NUDT4: variants seen among roughly 807,000 people sequenced by gnomAD.
NUDT4 encodes diphosphoinositol polyphosphate phosphohydrolase 2.
A neutral mutation model predicts 23.1 loss-of-function variants in NUDT4; 5 were observed. That is an observed-to-expected ratio of 0.22 (90% CI 0.11 to 0.46). NUDT4 has a LOEUF of 0.46. NUDT4 is among the 20% of genes least tolerant of loss of function. The pLI, the probability that NUDT4 is intolerant of heterozygous loss-of-function variation, is 0.99. For missense variants in NUDT4, 96 were observed against 211.6 expected (o/e 0.45, Z 3.39); for synonymous variants, 50 against 79.0 (o/e 0.63, Z 1.95).
intron 1 of NUDT4, chr12:93,378,665 G>A (rs1198713323): frequency 8.4e-6 from 10 of 1,184,366 alleles, no homozygotes; most frequent in South Asian, 3.8e-5. Context: ...TCGAGAAGGC[G>A]CCTGGTCCCC....
Position 93,404,148 on chromosome 12 carries a change from T to C in NUDT4, c.*4769T>C, listed in dbSNP as rs980953950. 1 of 152,192 alleles carries C rather than the reference T, an allele frequency of 6.6e-6. No homozygotes were observed. Among genetic ancestry groups the C allele is most frequent in the African/African-American group, 2.4e-5 (1 of 41,420 alleles). 9.4% of individuals were successfully genotyped at this position (152,192 alleles called of 1,614,324 possible). A position where few individuals can be genotyped will look rare whatever the true frequency, so the allele number is the denominator to read the frequency against. ...TTCATGTTAGTGAAGTACTTTCATT[T>C]GGCCATCATTATTTATCAACCTTAA... On this transcript the variant is annotated 3_prime_UTR_variant, in exon 5 of 5. Transcript: ENST00000415493.
intron 1 of NUDT4, among the ~76,000 whole-genome samples, chr12:93,390,140 T>G (rs1352595995): frequency 6.6e-6 from 1 of 152,196 alleles, no homozygotes; most frequent in African/African-American, 2.4e-5. Flanking sequence ...GATGTACTTT[T>G]CAGGCGGCTA....
chr12:93,390,930 A>G (rs1020728307), intron 1 of NUDT4, among the ~76,000 whole-genome samples: 16 of 152,142 alleles, frequency 1.1e-4, no homozygotes, highest in African/African-American at 3.4e-4. Context: ...TCTATGCCTA[A>G]ATAGATACTC....
At chr12:93,386,337 G>A (rs1227048164) in intron 1 of NUDT4, among the ~76,000 whole-genome samples, 2 of 152,066 alleles carry the variant, frequency 1.3e-5, no homozygotes, top group African/African-American at 2.4e-5. Flanking sequence ...AGCACTTTGG[G>A]AGGCCGAGGT....
intron 1 of NUDT4, among the ~76,000 whole-genome samples, chr12:93,384,649 C>T (rs1230385734): frequency 6.6e-6 from 1 of 152,186 alleles, no homozygotes; most frequent in African/African-American, 2.4e-5. Flanking sequence ...CCATCTTGGA[C>T]TGCATGCAGT....
chr12:93,378,905 G>T (rs1875420893), intron 1 of NUDT4: 1 of 526,226 alleles, frequency 1.9e-6, no homozygotes, highest in African/African-American at 2.1e-5. Flanking sequence ...GACAGTCCTC[G>T]TGCTTGGAAT....
rs918390910 is a variant in NUDT4, at chr12:93,403,321, T to G, written c.*3942T>G. ...ATTTATCTTGGTGTAGTTTTGGCTT[T>G]TTTGTTTGTTTTTTTGAGACAGCAT... is the stretch of plus-strand genomic sequence containing the variant. On this transcript the variant is annotated 3_prime_UTR_variant, in exon 5 of 5. Coordinates refer to ENST00000415493, the MANE Select transcript of NUDT4 (RefSeq NM_019094.6). The G allele has an allele frequency of 2.0e-5, 3 of 152,108 alleles. No homozygotes were observed. Among genetic ancestry groups the G allele is most frequent in the African/African-American group, 7.2e-5 (3 of 41,388 alleles). 9.4% of individuals were successfully genotyped at this position (152,108 alleles called of 1,614,324 possible). A position where few individuals can be genotyped will look rare whatever the true frequency, so the allele number is the denominator to read the frequency against.
rs56797624 is a variant in NUDT4, at chr12:93,404,021, T to A, written c.*4642T>A. The A allele has an allele frequency of 6.6e-6, 1 of 152,336 alleles. No individual in the cohort carries two copies. The highest frequency in any genetic ancestry group is 2.1e-4 in the South Asian group (1 of 4,822). 9.4% of individuals were successfully genotyped at this position (152,336 alleles called of 1,614,324 possible). A position where few individuals can be genotyped will look rare whatever the true frequency, so the allele number is the denominator to read the frequency against. Reference sequence around the variant, plus strand: ...TTACTCTTAATGCATTTTTGTAACATTTGACAAACATCTCCCAATATGTAG... The same window carrying A: ...TTACTCTTAATGCATTTTTGTAACAATTGACAAACATCTCCCAATATGTAG... On this transcript the variant is annotated 3_prime_UTR_variant, in exon 5 of 5. Coordinates refer to ENST00000415493, the MANE Select transcript of NUDT4 (RefSeq NM_019094.6).
chr12:93,404,265 G>A lies in NUDT4; in HGVS notation c.*4886G>A, dbSNP rs888769149. 2.6e-5 allele frequency: 4 copies of A among 152,214 alleles called. No homozygotes were observed. Among genetic ancestry groups the A allele is most frequent in the African/African-American group, 9.7e-5 (4 of 41,444 alleles). 9.4% of individuals were successfully genotyped at this position (152,214 alleles called of 1,614,324 possible). On this transcript the variant is annotated 3_prime_UTR_variant, in exon 5 of 5. Coordinates refer to ENST00000415493, the MANE Select transcript of NUDT4 (RefSeq NM_019094.6). Reference sequence around the variant, plus strand: ...ACATATACCAAGACAAGGCACTAGAGTGAAAAGCCATTAAAATAAAATGCT... The same window carrying A: ...ACATATACCAAGACAAGGCACTAGAATGAAAAGCCATTAAAATAAAATGCT...
rs779156846 is a variant in NUDT4 at position 93,398,721 on chromosome 12, C to T, written c.256-50C>T. On this transcript the variant is annotated intron_variant, in intron 3 of 4. Transcript: ENST00000415493. ...ATTTTTTTCCCTTGGAAAATGTGTC[C>T]ATGGCTAGCTCCTGTAGATTAAAAT... The T allele has an allele frequency of 6.2e-6, 8 of 1,294,378 alleles. No homozygotes were observed. In the South Asian group the frequency reaches 9.9e-5, roughly 16 times the overall value. The allele number at this position is 1,294,378 out of a possible 1,614,324, so 80.2% of individuals were successfully genotyped here.
In NUDT4 at chr12:93,392,254, C is replaced by T. The variant is rs868845547; in HGVS notation, c.100-2355C>T. Among the ~76,000 whole-genome samples, 172 of 104,606 alleles carry T rather than the reference C, an allele frequency of 1.6e-3. 1 individual carries two copies. The highest frequency in any genetic ancestry group is 5.2e-3 in the Middle Eastern group (1 of 194). 68.6% of individuals were successfully genotyped at this position (104,606 alleles called of 152,430 possible). On this transcript the variant is annotated intron_variant, in intron 1 of 4. Coordinates refer to ENST00000415493, the MANE Select transcript of NUDT4 (RefSeq NM_019094.6). Reference sequence around the variant, plus strand: ...AATATTCCTTTGTTTCCCCCCCCCCCTTTTTTTTTTCCTTTTTTTGAGACA... The same window carrying T: ...AATATTCCTTTGTTTCCCCCCCCCCTTTTTTTTTTTCCTTTTTTTGAGACA...
intron 1 of NUDT4, among the ~76,000 whole-genome samples, chr12:93,382,694 T>TTTTTA (rs1875766312): frequency 7.1e-6 from 1 of 139,956 alleles, no homozygotes; most frequent in African/African-American, 2.7e-5. Flanking sequence ...TTTTTTTTTT[T>TTTTTA]GAGACAGAGT....
Position 93,402,418 on chromosome 12 carries a change from A to G in NUDT4, c.*3039A>G, listed in dbSNP as rs1212293326. The G allele has an allele frequency of 1.3e-5, 2 of 152,234 alleles. No individual in the cohort carries two copies. The highest frequency in any genetic ancestry group is 6.5e-5 in the Admixed American group (1 of 15,282). The allele number at this position is 152,234 out of a possible 1,614,324, so 9.4% of individuals were successfully genotyped here. On this transcript the variant is annotated 3_prime_UTR_variant, in exon 5 of 5. Transcript: ENST00000415493. ...CGGAAACGTATACCTTTCAGTGCAT[A>G]GTGCATTGTGTGCTTACCCTGGGTT...
chr12:93,387,023 C>G (rs947495531), intron 1 of NUDT4, among the ~76,000 whole-genome samples: 1 of 152,146 alleles, frequency 6.6e-6, no homozygotes, highest in Non-Finnish European at 1.5e-5. Flanking sequence ...AAACCGCCTC[C>G]TGGATTCAAG....
intron 1 of NUDT4, among the ~76,000 whole-genome samples, chr12:93,392,684 TC>T (rs1555193957): frequency 0.021 from 2,108 of 100,892 alleles, 49 homozygotes; most frequent in African/African-American, 0.039. Flanking sequence ...TTTTTTTTTT[TC>T]CCCCGAGATG....
At chr12:93,385,048 C>T (rs1472304647) in intron 1 of NUDT4, 1 of 152,196 alleles carries the variant, frequency 6.6e-6, no homozygotes, top group Admixed American at 6.5e-5. Context: ...GGATTACAGG[C>T]GTGAGCCACC....
chr12:93,392,645 TAACAATTTGTA>T, intron 1 of NUDT4, among the ~76,000 whole-genome samples: 1 of 126,334 alleles, frequency 7.9e-6, no homozygotes, highest in Non-Finnish European at 1.6e-5. Context: ...GGTATTTTTG[TAACAATTTGTA>T]GATTTCAGTC....
intron 1 of NUDT4, 112 bp downstream of exon 1, chr12:93,378,533 C>T: frequency 3.1e-6 from 4 of 1,295,930 alleles, no homozygotes; most frequent in South Asian, 1.9e-5. Flanking sequence ...GGGATTAGCC[C>T]CCTTCCTCCC....
chr12:93,388,782 G>A (rs1334781262), intron 1 of NUDT4, among the ~76,000 whole-genome samples: 2 of 152,212 alleles, frequency 1.3e-5, no homozygotes, highest in African/African-American at 4.8e-5. Flanking sequence ...TTAATTGGCT[G>A]TAGATGTCCA....
Sources: gnomAD v4.1 joint callset for allele counts (sites outside exome capture counted in the v4.1 genomes callset) on GRCh38, gnomAD v4.1.1 for gene constraint, MANE v1.5 for transcripts, NCBI Gene and HGNC (gene_info 2026-07-23, HGNC 2026-07-21) for gene names.